The following ANO10 variants were observed in gnomAD, a reference collection of about 807,000 sequenced individuals.
ANO10 encodes anoctamin-10.
Under a neutral mutation model 74.7 loss-of-function variants are expected in ANO10, and 77 were observed. The observed-to-expected ratio is 1.03, with a 90% CI of 0.86 to 1.25. ANO10 has a LOEUF of 1.25. ANO10 is among the 50% of genes most tolerant of loss of function. The probability of loss-of-function intolerance (pLI) is 0.00; values close to 1 mark genes in which losing one functional copy is unlikely to be tolerated. For synonymous variants in ANO10, 279 were observed against 284.9 expected (o/e 0.98, Z 0.21); for missense variants, 721 against 778.1 (o/e 0.93, Z 0.87).
intron 1 of ANO10, among the ~76,000 whole-genome samples, chr3:43,642,689 T>C (rs1357072936): frequency 1.3e-5 from 2 of 151,696 alleles, no homozygotes; most frequent in African/African-American, 4.8e-5. Flanking sequence ...CCACCTCCTA[T>C]AGGTAATTAT....
At chr3:43,628,006 C>T (rs1038304110) in intron 1 of ANO10, among the ~76,000 whole-genome samples, 12 of 152,102 alleles carry the variant, frequency 7.9e-5, no homozygotes, top group African/African-American at 1.4e-4. Context: ...CCTGCCTCAG[C>T]CTCCTGAGTA....
chr3:43,421,404 A>G (rs1380940601), intron 12 of ANO10, among the ~76,000 whole-genome samples: 1 of 152,210 alleles, frequency 6.6e-6, no homozygotes, highest in Non-Finnish European at 1.5e-5. Flanking sequence ...GCACACCTAT[A>G]GTCCTAGCTA....
intron 11 of ANO10, among the ~76,000 whole-genome samples, chr3:43,513,738 C>A (rs2077600678): frequency 4.6e-5 from 7 of 152,088 alleles, no homozygotes; most frequent in Admixed American, 4.6e-4. Flanking sequence ...TCTTGATCTC[C>A]TGACCTTGTG....
chr3:43,366,995 A>G (rs571804558), intron 12 of ANO10, 21 bp from the exon 13 acceptor site: 139 of 1,584,880 alleles, frequency 8.8e-5, no homozygotes, highest in Non-Finnish European at 1.2e-4. Flanking sequence ...AAAACAGGAC[A>G]CCAGGTGAGC....
intron 1 of ANO10, among the ~76,000 whole-genome samples, chr3:43,656,565 C>A (rs2083855531): frequency 6.6e-6 from 1 of 152,254 alleles, no homozygotes; most frequent in African/African-American, 2.4e-5. Context: ...GTAGCGAGCC[C>A]TGCCCTGCGG....
chr3:43,608,117 A>G (rs1209871022), intron 1 of ANO10, among the ~76,000 whole-genome samples: 2 of 152,240 alleles, frequency 1.3e-5, no homozygotes, highest in Non-Finnish European at 2.9e-5. Context: ...AAGAATCTCT[A>G]TATACCTCCA....
chr3:43,506,104 T>C (rs947483685), intron 11 of ANO10, among the ~76,000 whole-genome samples: 1 of 152,220 alleles, frequency 6.6e-6, no homozygotes, highest in Non-Finnish European at 1.5e-5. Context: ...GTGTTAATCC[T>C]CACCTTTAAA....
intron 11 of ANO10, among the ~76,000 whole-genome samples, chr3:43,435,035 G>A (rs575783766): frequency 2.0e-5 from 3 of 152,194 alleles, no homozygotes; most frequent in African/African-American, 7.2e-5. Flanking sequence ...ACTTTTATAT[G>A]GGGGAAAAAC....
chr3:43,375,765 C>A (rs560307580), intron 12 of ANO10, among the ~76,000 whole-genome samples: 1 of 151,232 alleles, frequency 6.6e-6, no homozygotes, highest in South Asian at 2.1e-4. Flanking sequence ...GTTTATTCCC[C>A]CCTTGTCCAT....
chr3:43,616,728 T>C (rs1181730578), intron 1 of ANO10, among the ~76,000 whole-genome samples: 1 of 152,198 alleles, frequency 6.6e-6, no homozygotes, highest in Non-Finnish European at 1.5e-5. Context: ...CCAGCCGTTA[T>C]GCCACAGTGC....
At chr3:43,582,555 C>T (rs2081309150) in intron 4 of ANO10, among the ~76,000 whole-genome samples, 1 of 151,832 alleles carries the variant, frequency 6.6e-6, no homozygotes, top group African/African-American at 2.4e-5. Flanking sequence ...TAAAAGTAAA[C>T]CCAACTTCTT....
intron 1 of ANO10, chr3:43,691,007 G>C: frequency 1.3e-6 from 2 of 1,570,378 alleles, no homozygotes; most frequent in Non-Finnish European, 1.7e-6. Context: ...CGGCGGAGGA[G>C]GAGGAGGTGG....
intron 11 of ANO10, among the ~76,000 whole-genome samples, chr3:43,511,275 AG>A (rs1180752610): frequency 6.6e-6 from 1 of 152,230 alleles, no homozygotes; most frequent in Non-Finnish European, 1.5e-5. Flanking sequence ...AACACAAATT[AG>A]ATTTTTTTAA....
intron 11 of ANO10, among the ~76,000 whole-genome samples, chr3:43,492,295 T>C (rs1034206569): frequency 6.6e-6 from 1 of 152,164 alleles, no homozygotes; most frequent in Non-Finnish European, 1.5e-5. Context: ...CAACTCAAGA[T>C]GGATCAAAGA....
intron 1 of ANO10, among the ~76,000 whole-genome samples, chr3:43,619,490 T>G (rs1392153161): frequency 6.6e-6 from 1 of 152,082 alleles, no homozygotes; most frequent in Non-Finnish European, 1.5e-5. Flanking sequence ...ATAAGGAAAT[T>G]TGTACTATTT....
intron 12 of ANO10, among the ~76,000 whole-genome samples, chr3:43,428,176 A>G (rs2092926215): frequency 1.3e-5 from 2 of 151,850 alleles, no homozygotes; most frequent in South Asian, 4.1e-4. Context: ...CAGCCTCCCG[A>G]GTAGCTGGGA....
At chr3:43,519,371 T>C (rs2149210371) in intron 11 of ANO10, among the ~76,000 whole-genome samples, 1 of 152,266 alleles carries the variant, frequency 6.6e-6, no homozygotes, top group South Asian at 2.1e-4. Context: ...AGCACACTAC[T>C]TCTTTTTCAA....
intron 10 of ANO10, among the ~76,000 whole-genome samples, chr3:43,552,961 T>C (rs938437664): frequency 3.3e-5 from 5 of 151,830 alleles, no homozygotes; most frequent in African/African-American, 1.2e-4. Flanking sequence ...ACCCAGCTAA[T>C]TTTTGTATTT....
At position 43,620,814 on chromosome 3, in the gene ANO10, A is replaced by C. The variant is rs1361657450; in HGVS notation, c.-12+1095T>G. ...TCAGTGGGTTTAAGTGCATTTACAC[A>C]CTTCAATTTATCAAGACTTTTCTAT... is the stretch of plus-strand genomic sequence containing the variant. On this transcript the variant is annotated intron_variant, in intron 1 of 12. Coordinates refer to ENST00000292246, the MANE Select transcript of ANO10 (RefSeq NM_018075.5). Among the ~76,000 whole-genome samples the C allele has an allele frequency of 3.3e-5, 5 of 152,232 alleles. 1 individual carries two copies. Among genetic ancestry groups the C allele is most frequent in the Admixed American group, 2.6e-4 (4 of 15,282 alleles).
Sources: gnomAD v4.1 joint callset for allele counts (sites outside exome capture counted in the v4.1 genomes callset) on GRCh38, gnomAD v4.1.1 for gene constraint, MANE v1.5 for transcripts, NCBI Gene and HGNC (gene_info 2026-07-23, HGNC 2026-07-21) for gene names.